ZFPM1: variants seen among roughly 807,000 people sequenced by gnomAD.
The protein encoded by ZFPM1 is zinc finger protein ZFPM1.
A neutral mutation model predicts 46.3 loss-of-function variants in ZFPM1; 28 were observed. The observed-to-expected ratio is 0.60, with a 90% CI of 0.45 to 0.83. The LOEUF (loss-of-function observed/expected upper bound fraction) is 0.83. Ranked by LOEUF, ZFPM1 falls within the 40% of genes least tolerant of loss-of-function variation. The pLI, the probability that ZFPM1 is intolerant of heterozygous loss-of-function variation, is 0.00. For synonymous variants in ZFPM1, 957 were observed against 675.9 expected (o/e 1.42, Z -6.45); for missense variants, 1,878 against 1,432.4 (o/e 1.31, Z -5.02).
intron 3 of ZFPM1, among the ~76,000 whole-genome samples, chr16:88,491,179 A>C (rs1458870796): frequency 2.0e-5 from 3 of 152,116 alleles, no homozygotes; most frequent in Non-Finnish European, 2.9e-5. Context: ...TTTCACTTGC[A>C]GGGCAGCACT....
At chr16:88,515,507 G>C (rs867195570) in intron 4 of ZFPM1, among the ~76,000 whole-genome samples, 39 of 152,392 alleles carry the variant, frequency 2.6e-4, no homozygotes, top group Middle Eastern at 3.4e-3. Flanking sequence ...GACCCTGAGA[G>C]GGGGCGTGGG....
In ZFPM1 at chr16:88,471,384, T is replaced by C. The variant is rs1311726732; in HGVS notation, c.41-14555T>C. Among the ~76,000 whole-genome samples, 1 of 151,666 alleles carries C rather than the reference T, an allele frequency of 6.6e-6. No homozygotes were observed. Among genetic ancestry groups the C allele is most frequent in the African/African-American group, 2.4e-5 (1 of 41,236 alleles). On this transcript the variant is annotated intron_variant, in intron 1 of 9. Coordinates refer to ENST00000319555, the MANE Select transcript of ZFPM1 (RefSeq NM_153813.3). This position sits in a 1 kb window ranked among gnomAD's most constrained non-coding sequence, Gnocchi z 4.1. ...CCGCTCACAGTTCAGGACCCCGAGA[T>C]GACCGTGCCCACAGTGGCTCCCACG...
intron 4 of ZFPM1, among the ~76,000 whole-genome samples, chr16:88,515,710 C>T (rs966622391): frequency 4.6e-5 from 7 of 152,200 alleles, no homozygotes; most frequent in African/African-American, 1.2e-4. Flanking sequence ...GGTGGAAGAA[C>T]GGCAGCGGAA....
rs938209028 is a variant in ZFPM1 at position 88,483,012 on chromosome 16, G to C, written c.41-2927G>C. Among the ~76,000 whole-genome samples, 36 of 152,202 alleles carry C rather than the reference G, an allele frequency of 2.4e-4. 1 individual carries two copies. Among genetic ancestry groups the C allele is most frequent in the Admixed American group, 7.8e-4 (12 of 15,292 alleles). ...CACTCGGGTTGGGCCTCCTGTCCCA[G>C]GGGCAGGAGTTGAACCGGTCAGGGG... On this transcript the variant is annotated intron_variant, in intron 1 of 9. Transcript: ENST00000319555.
At chr16:88,503,290 G>A (rs1367847364) in intron 3 of ZFPM1, among the ~76,000 whole-genome samples, 1 of 147,640 alleles carries the variant, frequency 6.8e-6, no homozygotes, top group African/African-American at 2.5e-5. Flanking sequence ...CTGAGTGGAG[G>A]GATCTGTGTC....
chr16:88,489,486 CA>C lies in ZFPM1; in HGVS notation c.268+334del, dbSNP rs555624594. The C allele has an allele frequency of 5.2e-4, 146 of 281,918 alleles. No individual in the cohort carries two copies. In the Middle Eastern group the frequency reaches 5.4e-3, roughly 10 times the overall value. The allele number at this position is 281,918 out of a possible 1,614,324, so 17.5% of individuals were successfully genotyped here. ...GGCAGGAAAGGCAGGGAGGTGGGAA[CA>C]GGAGGCTGCGTCTGAGCTGCCCGGG... On this transcript the variant is annotated intron_variant, in intron 3 of 9. Transcript: ENST00000319555.
chr16:88,484,157 G>A (rs141654333), intron 1 of ZFPM1, among the ~76,000 whole-genome samples: 381 of 152,334 alleles, frequency 2.5e-3, no homozygotes, highest in African/African-American at 8.6e-3. Flanking sequence ...GTGGGGATTC[G>A]GAGAGAAGCT....
At position 88,532,051 on chromosome 16, in the gene ZFPM1, C is replaced by G; in HGVS notation, c.762C>G (p.Arg254=). The G allele has an allele frequency of 2.5e-6, 4 of 1,612,246 alleles. No homozygotes were observed. The highest frequency in any genetic ancestry group is 1.1e-5 in the South Asian group (1 of 91,010). The change falls in exon 7 of 10, where the codon CGC becomes CGG. Residue 254 remains arginine, a synonymous_variant. Coordinates refer to ENST00000319555, the MANE Select transcript of ZFPM1 (RefSeq NM_153813.3). The part of the protein sequence containing the change: ...KDCGIWYRSE[R]NLQAHLLYYC... ...GTGGCATCTGGTACCGCAGCGAGCG[C>G]AACCTGCAGGCGCACCTGCTCTACT...
chr16:88,501,640 T>G (rs12932681), intron 3 of ZFPM1, among the ~76,000 whole-genome samples: 2,560 of 57,240 alleles, frequency 0.045, 302 homozygotes, highest in African/African-American at 0.13. Context: ...CCTGGGTGCG[T>G]GGGCCATCGC....
At chr16:88,459,372 G>T (rs921946848) in intron 1 of ZFPM1, among the ~76,000 whole-genome samples, 5 of 152,206 alleles carry the variant, frequency 3.3e-5, no homozygotes, top group African/African-American at 1.2e-4. Flanking sequence ...TACTGGCCGT[G>T]GAACTATGGG....
chr16:88,524,174 C>T (rs1912132005), intron 4 of ZFPM1, among the ~76,000 whole-genome samples: 1 of 152,224 alleles, frequency 6.6e-6, no homozygotes, highest in Non-Finnish European at 1.5e-5. Context: ...TTTTCACCCT[C>T]CTCTGCTCAT....
chr16:88,517,958 CCCAG>C (rs1911460695), intron 4 of ZFPM1, among the ~76,000 whole-genome samples: 1 of 151,576 alleles, frequency 6.6e-6, no homozygotes, highest in South Asian at 2.1e-4. Context: ...TGCCTGTAAT[CCCAG>C]CACTTTGGGA....
At chr16:88,462,706 G>A (rs1321366192) in intron 1 of ZFPM1, among the ~76,000 whole-genome samples, 1 of 152,184 alleles carries the variant, frequency 6.6e-6, no homozygotes, top group East Asian at 1.9e-4. Context: ...TCATTATAGG[G>A]AGGTTACCTT....
Position 88,497,657 on chromosome 16 carries a change from G to C in ZFPM1, c.268+8504G>C, listed in dbSNP as rs950265268. On this transcript the variant is annotated intron_variant, in intron 3 of 9. Transcript: ENST00000319555. This position sits in a 1 kb window ranked among gnomAD's most constrained non-coding sequence, Gnocchi z 5.4. ...TGTGGGGGGTGTTCGTGCCGTGAGC[G>C]ATCCGGTCCAGCATCCCGGCGCTGG... Among the ~76,000 whole-genome samples, 1 of 152,120 alleles carries C rather than the reference G, an allele frequency of 6.6e-6. No homozygotes were observed. The highest frequency in any genetic ancestry group is 6.5e-5 in the Admixed American group (1 of 15,284).
At chr16:88,515,547 G>C (rs559527184) in intron 4 of ZFPM1, among the ~76,000 whole-genome samples, 1 of 152,220 alleles carries the variant, frequency 6.6e-6, no homozygotes, top group Admixed American at 6.5e-5. Flanking sequence ...GTGGTGCAGG[G>C]AAGCCCAGGG....
At chr16:88,532,998 G>A (rs964841931) in intron 9 of ZFPM1, 63 bp downstream of exon 9, 21 of 1,598,290 alleles carry the variant, frequency 1.3e-5, no homozygotes, top group South Asian at 3.3e-5. Context: ...GAAGGGAGTG[G>A]GCTTGTCGCC....
rs72281150 is a variant in ZFPM1, at chr16:88,517,180, A to AGATG, written c.402+2706_402+2709dup. ...TGGGTAGGTGGACGGATGGATGGGTAGATGGATGGATGGATGGATGGATGG... is the reference window on the plus strand; with the variant it reads ...TGGGTAGGTGGACGGATGGATGGGTAGATGGATGGATGGATGGATGGATGGATGG... On this transcript the variant is annotated intron_variant, in intron 4 of 9. Transcript: ENST00000319555. Among the ~76,000 whole-genome samples, 471 of 92,182 alleles carry AGATG rather than the reference A, an allele frequency of 5.1e-3. 3 individuals carry two copies. The highest frequency in any genetic ancestry group is 8.9e-3 in the Admixed American group (68 of 7,628). 60.5% of individuals were successfully genotyped at this position (92,182 alleles called of 152,430 possible). A position where few individuals can be genotyped will look rare whatever the true frequency, so the allele number is the denominator to read the frequency against.
In ZFPM1 at chr16:88,534,324, C is replaced by T. The variant is rs1389354662; in HGVS notation, c.2366C>T (p.Pro789Leu). 3 of 1,343,590 alleles carry T rather than the reference C, an allele frequency of 2.2e-6. No individual in the cohort carries two copies. The highest frequency in any genetic ancestry group is 3.5e-5 in the Admixed American group (1 of 28,432). 83.2% of individuals were successfully genotyped at this position (1,343,590 alleles called of 1,614,324 possible). A position where few individuals can be genotyped will look rare whatever the true frequency, so the allele number is the denominator to read the frequency against. Residue 789 changes from proline to leucine, a missense_variant, in exon 10 of 10, where the codon CCC becomes CTC. By Grantham distance (98) the Pro-to-Leu change is moderately conservative. Coordinates refer to ENST00000319555, the MANE Select transcript of ZFPM1 (RefSeq NM_153813.3). ...CTCGCCCCTGCGCGCTCGCCCGGCC[C>T]CGCGGCCGACGGCCCCATCGACCTG... ...PGLAPARSPG[P>L]AADGPIDLSK...
At chr16:88,473,023 G>T (rs1047844845) in intron 1 of ZFPM1, among the ~76,000 whole-genome samples, 25 of 152,264 alleles carry the variant, frequency 1.6e-4, no homozygotes, top group African/African-American at 5.8e-4. Flanking sequence ...CAGGAGGTCT[G>T]GGCGCAGGCC....
Sources: gnomAD v4.1 joint callset for allele counts (sites outside exome capture counted in the v4.1 genomes callset) on GRCh38, gnomAD v4.1.1 for gene constraint, Gnocchi (gnomAD v3.1) non-coding constraint, MANE v1.5 for transcripts, NCBI Gene and HGNC (gene_info 2026-07-23, HGNC 2026-07-21) for gene names.